ANGPT2: variants seen among roughly 807,000 people sequenced by gnomAD.
ANGPT2 encodes angiopoietin-2.
Under a neutral mutation model 62.9 loss-of-function variants are expected in ANGPT2, and 28 were observed. The ratio of observed to expected loss-of-function variants is 0.44; its 90% CI spans 0.33 to 0.61. ANGPT2 has a LOEUF of 0.61. Among genes scored for constraint, ANGPT2 ranks in the 20% least tolerant of loss-of-function variants. The pLI is 0.03. For synonymous variants in ANGPT2, 284 were observed against 207.8 expected, an observed-to-expected ratio of 1.37 and a Z score of -3.15; for missense variants, 727 against 594.9, an observed-to-expected ratio of 1.22 and a Z score of -2.31.
At chr8:6,514,432 A>G (rs905107531) in intron 6 of ANGPT2, among the ~76,000 whole-genome samples, 19 of 152,084 alleles carry the variant, frequency 1.2e-4, no homozygotes, top group African/African-American at 4.6e-4. Context: ...CAGGTAATCC[A>G]TCTGCCTCGG....
At chr8:6,546,042 C>T (rs1039250883) in intron 1 of ANGPT2, among the ~76,000 whole-genome samples, 49 of 152,226 alleles carry the variant, frequency 3.2e-4, no homozygotes, top group African/African-American at 9.4e-4. Context: ...CAAACACACC[C>T]GGTGTGAGTC....
At chr8:6,546,418 C>T (rs971303990) in intron 1 of ANGPT2, among the ~76,000 whole-genome samples, 5 of 152,258 alleles carry the variant, frequency 3.3e-5, no homozygotes, top group East Asian at 1.9e-4. Context: ...TAGCATAGAG[C>T]GTAAAATGCA....
chr8:6,548,295 G>C (rs903000997), intron 1 of ANGPT2, among the ~76,000 whole-genome samples: 3 of 152,100 alleles, frequency 2.0e-5, no homozygotes, highest in African/African-American at 7.2e-5. Flanking sequence ...GACCTGACAG[G>C]ACTCTACTCG....
chr8:6,544,157 T>C (rs1254680290), intron 1 of ANGPT2, among the ~76,000 whole-genome samples: 1 of 152,240 alleles, frequency 6.6e-6, no homozygotes, highest in Non-Finnish European at 1.5e-5. Context: ...TGAAATTTGG[T>C]AGGAAGTGTA....
At chr8:6,529,439 G>T (rs1819021777) in intron 2 of ANGPT2, among the ~76,000 whole-genome samples, 1 of 150,634 alleles carries the variant, frequency 6.6e-6, no homozygotes, top group Non-Finnish European at 1.5e-5. Context: ...CCTTCCTTAA[G>T]CTCAGCCATT....
intron 3 of ANGPT2, among the ~76,000 whole-genome samples, chr8:6,526,726 G>T (rs2442611): frequency 5.3e-5 from 8 of 152,084 alleles, no homozygotes; most frequent in African/African-American, 1.9e-4. Flanking sequence ...TTTAAATTGT[G>T]AAATAGGATA....
intron 1 of ANGPT2, among the ~76,000 whole-genome samples, chr8:6,543,967 G>C (rs1822076200): frequency 6.6e-6 from 1 of 152,134 alleles, no homozygotes. Context: ...AATCTTTAAA[G>C]TTGCAATATA....
chr8:6,539,644 C>T (rs540085809), intron 1 of ANGPT2, among the ~76,000 whole-genome samples: 5 of 152,148 alleles, frequency 3.3e-5, no homozygotes, highest in Admixed American at 2.0e-4. Flanking sequence ...TGGAGTGCAG[C>T]GGCGTGATCT....
At chr8:6,523,691 G>A (rs1276322781) in intron 3 of ANGPT2, among the ~76,000 whole-genome samples, 1 of 152,168 alleles carries the variant, frequency 6.6e-6, no homozygotes, top group Non-Finnish European at 1.5e-5. Context: ...CCGGATTCAA[G>A]CAGTTCTCCT....
intron 3 of ANGPT2, among the ~76,000 whole-genome samples, chr8:6,523,632 T>TG (rs759178826): frequency 1.3e-5 from 2 of 152,154 alleles, no homozygotes; most frequent in Admixed American, 1.3e-4. Context: ...CGCTGTGGCC[T>TG]GGGCTGTTGT....
At chr8:6,515,836 C>T (rs765373060) in intron 5 of ANGPT2, among the ~76,000 whole-genome samples, 4 of 152,188 alleles carry the variant, frequency 2.6e-5, no homozygotes, top group Non-Finnish European at 4.4e-5. Context: ...TCAACGCACA[C>T]TGTTCTCTGT....
At chr8:6,528,343 A>C (rs539842771) in intron 2 of ANGPT2, among the ~76,000 whole-genome samples, 1 of 152,338 alleles carries the variant, frequency 6.6e-6, no homozygotes, top group East Asian at 1.9e-4. Context: ...TCATAGGTGG[A>C]AAGTATTTTC....
rs1563305720 is a variant in ANGPT2 at position 6,505,295 on chromosome 8, A to T, written c.1328-2034T>A. On this transcript the variant is annotated intron_variant, in intron 8 of 8. Transcript: ENST00000629816. ...ATGTATACATATATATGTTATATAC[A>T]TATATATGTATATAACATATATATG... 1.5e-3 allele frequency among the ~76,000 whole-genome samples: 113 copies of T among 73,694 alleles called. 5 individuals are homozygous for T. Among genetic ancestry groups the T allele is most frequent in the African/African-American group, 6.8e-3 (90 of 13,314 alleles). The allele number at this position is 73,694 out of a possible 152,430, so 48.3% of individuals were successfully genotyped here. A position where few individuals can be genotyped will look rare whatever the true frequency, so the allele number is the denominator to read the frequency against.
chr8:6,534,727 G>C (rs185654063), intron 1 of ANGPT2, among the ~76,000 whole-genome samples: 3 of 152,346 alleles, frequency 2.0e-5, no homozygotes, highest in East Asian at 3.9e-4. Flanking sequence ...AAAATGTGAA[G>C]AGTCTGAAAT....
rs954863440 is a variant in ANGPT2 at position 6,521,166 on chromosome 8, A to G, written c.799+12T>C. The G allele has an allele frequency of 1.1e-5, 18 of 1,604,620 alleles. No homozygotes were observed. Among genetic ancestry groups the G allele is most frequent in the Admixed American group, 8.3e-5 (5 of 59,904 alleles). On this transcript the variant is annotated intron_variant, in intron 4 of 8. Coordinates refer to ENST00000629816, the MANE Select transcript of ANGPT2 (RefSeq NM_001118887.2). ...TTATTAACGCTGAAGAAAGCATGAT[A>G]TGTAAACTTACAGTTTGATGTGGAC...
intron 5 of ANGPT2, 131 bp from the exon 6 acceptor site, chr8:6,514,909 G>C: frequency 3.0e-6 from 2 of 673,680 alleles, no homozygotes; most frequent in Non-Finnish European, 5.2e-6. Context: ...AAGGCACGGA[G>C]TAGACCATCG....
chr8:6,515,787 C>G (rs2979673), intron 5 of ANGPT2, among the ~76,000 whole-genome samples: 35,235 of 152,120 alleles, frequency 0.23, 5,303 homozygotes, highest in Middle Eastern at 0.41. Flanking sequence ...GTCCCATGGT[C>G]TTTTTGAGAA....
chr8:6,532,227 G>T, intron 2 of ANGPT2, 105 bp downstream of exon 2: 3 of 1,292,250 alleles, frequency 2.3e-6, no homozygotes, highest in Admixed American at 2.1e-5. Flanking sequence ...TCCTGTGGTG[G>T]TGCTTTCTTT....
At chr8:6,525,576 A>G (rs1327453733) in intron 3 of ANGPT2, among the ~76,000 whole-genome samples, 4 of 152,206 alleles carry the variant, frequency 2.6e-5, no homozygotes, top group Non-Finnish European at 5.9e-5. Context: ...GGGAATTATA[A>G]AAGATTATTT....
Sources: allele counts gnomAD v4.1 joint callset (sites outside exome capture counted in the v4.1 genomes callset), GRCh38; gene constraint gnomAD v4.1.1; transcripts MANE v1.5; gene names NCBI Gene and HGNC (gene_info 2026-07-23, HGNC 2026-07-21).